KCNH8: variants seen among roughly 807,000 people sequenced by gnomAD.
KCNH8 encodes voltage-gated delayed rectifier potassium channel KCNH8.
In KCNH8, 70 loss-of-function variants were observed where a neutral mutation model predicts 103.6. That is an observed-to-expected ratio of 0.68 (90% CI 0.56 to 0.82). KCNH8 has a LOEUF of 0.82. Ranked by LOEUF, KCNH8 falls within the 40% of genes least tolerant of loss-of-function variation. The pLI is 0.00. For synonymous variants in KCNH8, 498 were observed against 489.4 expected (o/e 1.02, Z -0.23); for missense variants, 1,217 against 1,329.9 (o/e 0.92, Z 1.32).
intron 1 of KCNH8, among the ~76,000 whole-genome samples, chr3:19,153,896 T>G (rs1400918293): frequency 2.0e-5 from 3 of 152,118 alleles, no homozygotes; most frequent in Non-Finnish European, 4.4e-5. Flanking sequence ...CCTCCCAAAG[T>G]GCTGGGATTA....
At chr3:19,422,354 G>GT (rs915005185) in intron 7 of KCNH8, among the ~76,000 whole-genome samples, 5 of 152,102 alleles carry the variant, frequency 3.3e-5, no homozygotes, top group Admixed American at 2.0e-4. Context: ...AAATAATACA[G>GT]TTTTTTGTGA....
At chr3:19,198,482 T>TA (rs1213288520) in intron 1 of KCNH8, among the ~76,000 whole-genome samples, 1 of 151,882 alleles carries the variant, frequency 6.6e-6, no homozygotes, top group African/African-American at 2.4e-5. Flanking sequence ...TCCTGCCGTT[T>TA]AAAAAAAAGA....
chr3:19,496,491 ATATT>A (rs1003686336), intron 11 of KCNH8, among the ~76,000 whole-genome samples: 2 of 152,246 alleles, frequency 1.3e-5, no homozygotes, highest in East Asian at 1.9e-4. Context: ...GTGATGAATC[ATATT>A]TATTTATTTG....
At chr3:19,234,756 C>A (rs2064042494) in intron 1 of KCNH8, among the ~76,000 whole-genome samples, 3 of 152,260 alleles carry the variant, frequency 2.0e-5, no homozygotes, top group Admixed American at 1.3e-4. Flanking sequence ...GCAGAGGAGG[C>A]GCGGAGAGCG....
chr3:19,450,745 C>A (rs1444681301), intron 9 of KCNH8: 1 of 262,998 alleles, frequency 3.8e-6, no homozygotes, highest in Non-Finnish European at 7.3e-6. Context: ...TATAAATCAA[C>A]GAACCATTTC....
At chr3:19,443,376 A>G (rs2067310166) in intron 8 of KCNH8, among the ~76,000 whole-genome samples, 1 of 150,208 alleles carries the variant, frequency 6.7e-6, no homozygotes, top group South Asian at 2.1e-4. Flanking sequence ...TTTATTTTAT[A>G]TATATATATA....
intron 11 of KCNH8, among the ~76,000 whole-genome samples, chr3:19,458,035 G>A (rs1221576216): frequency 1.3e-5 from 2 of 151,894 alleles, no homozygotes; most frequent in East Asian, 3.9e-4. Context: ...CCTATGTAAA[G>A]CATCTCATTT....
At chr3:19,194,547 T>C (rs1232027013) in intron 1 of KCNH8, among the ~76,000 whole-genome samples, 2 of 151,834 alleles carry the variant, frequency 1.3e-5, no homozygotes, top group African/African-American at 2.4e-5. Flanking sequence ...AGTCAAATAG[T>C]ACAGTTTCTC....
intron 1 of KCNH8, among the ~76,000 whole-genome samples, chr3:19,248,028 G>A (rs147969210): frequency 9.0e-4 from 137 of 152,158 alleles, no homozygotes; most frequent in Non-Finnish European, 1.8e-3. Flanking sequence ...ACCTTTCAAA[G>A]TTTCAATTGA....
chr3:19,390,689 G>A (rs376197937), intron 6 of KCNH8, 51 bp downstream of exon 6: 14 of 1,538,918 alleles, frequency 9.1e-6, no homozygotes, highest in South Asian at 1.2e-5. Flanking sequence ...TTTATTTATC[G>A]CATGTTCAGG....
At position 19,387,741 on chromosome 3, in the gene KCNH8, T is replaced by C. The variant is rs190291200; in HGVS notation, c.812-2740T>C. Among the ~76,000 whole-genome samples, 49 of 152,248 alleles carry C rather than the reference T, an allele frequency of 3.2e-4. 1 individual carries two copies. Among genetic ancestry groups the C allele is most frequent in the Admixed American group, 2.8e-3 (43 of 15,284 alleles). On this transcript the variant is annotated intron_variant, in intron 5 of 15. Coordinates refer to ENST00000328405, the MANE Select transcript of KCNH8 (RefSeq NM_144633.3). Reference sequence around the variant, plus strand: ...ATTTTCAGGTATTTCAAAAATAGATTTGTATAGATGTTTTAAAATCTTTTA... The same window carrying C: ...ATTTTCAGGTATTTCAAAAATAGATCTGTATAGATGTTTTAAAATCTTTTA...
intron 11 of KCNH8, among the ~76,000 whole-genome samples, chr3:19,509,616 G>T (rs959418853): frequency 6.6e-6 from 1 of 152,130 alleles, no homozygotes; most frequent in Non-Finnish European, 1.5e-5. Flanking sequence ...AAGTGAATAA[G>T]ATATATATTT....
chr3:19,153,369 G>A (rs1449868826), intron 1 of KCNH8, among the ~76,000 whole-genome samples: 1 of 152,032 alleles, frequency 6.6e-6, no homozygotes, highest in Non-Finnish European at 1.5e-5. Flanking sequence ...TTGTGTCCAC[G>A]ATATAGTCTT....
At chr3:19,354,724 A>G (rs1272155311) in intron 5 of KCNH8, among the ~76,000 whole-genome samples, 1 of 152,218 alleles carries the variant, frequency 6.6e-6, no homozygotes, top group Non-Finnish European at 1.5e-5. Flanking sequence ...TTATACAAAA[A>G]TTAATTCAAG....
At chr3:19,198,814 T>C (rs1004666939) in intron 1 of KCNH8, among the ~76,000 whole-genome samples, 4 of 152,100 alleles carry the variant, frequency 2.6e-5, no homozygotes, top group Non-Finnish European at 4.4e-5. Flanking sequence ...TTCCATTAAG[T>C]ATGCCATGGC....
intron 3 of KCNH8, among the ~76,000 whole-genome samples, chr3:19,282,381 T>C (rs544802451): frequency 6.6e-6 from 1 of 152,304 alleles, no homozygotes; most frequent in East Asian, 1.9e-4. Context: ...ACCTGTCCAA[T>C]GTAAGTTCCA....
At chr3:19,148,818 T>A in intron 1 of KCNH8, 23 bp downstream of exon 1, 2 of 1,599,504 alleles carry the variant, frequency 1.3e-6, no homozygotes, top group Non-Finnish European at 8.6e-7. Flanking sequence ...CTTGAACGAG[T>A]GGTATGGCAT....
At chr3:19,164,990 T>C (rs2063268512) in intron 1 of KCNH8, among the ~76,000 whole-genome samples, 1 of 152,072 alleles carries the variant, frequency 6.6e-6, no homozygotes, top group Admixed American at 6.6e-5. Context: ...AGTGGTTCTT[T>C]AGGGGTGGGG....
In KCNH8 at chr3:19,438,586, T is replaced by C. The variant is rs181164207; in HGVS notation, c.1375+225T>C. On this transcript the variant is annotated intron_variant, in intron 8 of 15. Coordinates refer to ENST00000328405, the MANE Select transcript of KCNH8 (RefSeq NM_144633.3). ...CACAAGAGCATGCATTTAAGAAGAA[T>C]GGAGCAAGATTAACACGTGGGGCTC... Among the ~76,000 whole-genome samples, 252 of 152,264 alleles carry C rather than the reference T, an allele frequency of 1.7e-3. 4 individuals are homozygous for C. The highest frequency in any genetic ancestry group is 6.8e-4 in the Non-Finnish European group (46 of 68,012).
Sources: allele counts gnomAD v4.1 joint callset (sites outside exome capture counted in the v4.1 genomes callset), GRCh38; gene constraint gnomAD v4.1.1; transcripts MANE v1.5; gene names NCBI Gene and HGNC (gene_info 2026-07-23, HGNC 2026-07-21).